Variants in CHD3 observed in about 807,000 individuals in gnomAD.
CHD3 encodes ATP-dependent chromatin remodeler CHD3.
A neutral mutation model predicts 248.9 loss-of-function variants in CHD3; 52 were observed. That is an observed-to-expected ratio of 0.21 (90% CI 0.17 to 0.26). The LOEUF is 0.26. Ranked by LOEUF, CHD3 falls within the 10% of genes least tolerant of loss-of-function variation. The pLI, the probability that CHD3 is intolerant of heterozygous loss-of-function variation, is 1.00. For synonymous variants in CHD3, 985 were observed against 985.2 expected, an observed-to-expected ratio of 1.00 and a Z score of 0.00; for missense variants, 1,482 against 2,605.8, an observed-to-expected ratio of 0.57 and a Z score of 9.39.
At position 7,894,420 on chromosome 17, in the gene CHD3, G is replaced by A. The variant is rs1360350671; in HGVS notation, c.1081G>A (p.Gly361Ser). The A allele has an allele frequency of 2.5e-6, 4 of 1,612,608 alleles. No homozygotes were observed. Among genetic ancestry groups the A allele is most frequent in the Non-Finnish European group, 3.4e-6 (4 of 1,179,014 alleles). ...RPGRKKKKVL[G>S]CPAVAGEEEV... ...TCCACCGGGGTATATGACAGTCCTG[G>A]GCTGTCCTGCAGTGGCCGGGGAGGA... Residue 361 changes from glycine (G) to serine (S), a missense_variant, in exon 8 of 40, where the codon GGC becomes AGC. Around this residue, in one of 20 missense-constraint regions of CHD3, gnomAD observed 138 missense variants for 241.1 expected, o/e 0.57. Transcript: ENST00000330494.
chr17:7,899,437 T>G lies in CHD3; in HGVS notation c.2438T>G (p.Val813Gly). The change falls in exon 15 of 40, where the codon GTG (valine) becomes GGG (glycine). Residue 813 changes from valine to glycine, a missense_variant. Val to Gly is a moderately radical substitution (Grantham distance 109, BLOSUM62 -3). This residue lies in a region of CHD3 where 49 missense variants were observed against 93.8 expected (regional missense o/e 0.52). Transcript: ENST00000330494. This position sits in a 1 kb window ranked among gnomAD's most constrained non-coding sequence, Gnocchi z 6.8. ...EFQMWAPKFY[V>G]VTYTGDKDSR... ...CAGATGTGGGCACCCAAATTCTATG[T>G]GGTGACATACACGGGTGACAAGGAC... The G allele has an allele frequency of 6.2e-7, 1 of 1,614,124 alleles. No homozygotes were observed. The highest frequency in any genetic ancestry group is 8.5e-7 in the Non-Finnish European group (1 of 1,180,022).
Position 7,899,108 on chromosome 17 carries a change from C to T in CHD3, c.2249C>T (p.Ser750Phe). 1 of 1,614,152 alleles carries T rather than the reference C, an allele frequency of 6.2e-7. No individual in the cohort carries two copies. ...GAAGGGCTGAACTGGCTACGCTTCT[C>T]CTGGGCCCAGGGCACTGACACCATT... The part of the protein sequence containing the change: ...QLEGLNWLRF[S>F]WAQGTDTILA... Residue 750 changes from serine (S) to phenylalanine (F), a missense_variant, in exon 14 of 40, where the codon TCC becomes TTC. By Grantham distance (155) the Ser-to-Phe change is radical. Around this residue, in one of 20 missense-constraint regions of CHD3, gnomAD observed 18 missense variants for 88.8 expected, o/e 0.20. Transcript: ENST00000330494. This position sits in a 1 kb window ranked among gnomAD's most constrained non-coding sequence, Gnocchi z 6.8.
At position 7,890,268 on chromosome 17, in the gene CHD3, T is replaced by TA. The variant is rs201632697; in HGVS notation, c.214-298dup. On this transcript the variant is annotated intron_variant, in intron 2 of 39. Transcript: ENST00000330494. The stretch of plus-strand genomic sequence containing the variant: ...CAATGTGGTGAAACTCCGTCTCTAC[T>TA]AAAAATACAAAAATCAGCCGGGCGC... Among the ~76,000 whole-genome samples, 1,085 of 152,032 alleles carry TA rather than the reference T, an allele frequency of 7.1e-3. 20 individuals carry two copies. Among genetic ancestry groups the TA allele is most frequent in the African/African-American group, 0.024 (990 of 41,460 alleles).
In CHD3 at chr17:7,908,572, A is replaced by G; in HGVS notation, c.5261+62A>G. The G allele has an allele frequency of 1.9e-6, 3 of 1,551,586 alleles. No homozygotes were observed. Among genetic ancestry groups the G allele is most frequent in the African/African-American group, 1.4e-5 (1 of 73,378 alleles). Reference sequence around the variant, plus strand: ...TCTCAAGCTGGCAAAAAAAAAAAAGATGATTTCACACCCAGGGACAGGGCT... The same window carrying G: ...TCTCAAGCTGGCAAAAAAAAAAAAGGTGATTTCACACCCAGGGACAGGGCT... On this transcript the variant is annotated intron_variant, in intron 35 of 39. Transcript: ENST00000330494. The surrounding 1 kb of genome is among the most constrained non-coding windows in gnomAD (Gnocchi z 5.8).
chr17:7,903,100 AAGG>A lies in CHD3; in HGVS notation c.3495+42_3495+44del. 6.2e-7 allele frequency: 1 copy of A among 1,601,452 alleles called. No individual in the cohort carries two copies. Among genetic ancestry groups the A allele is most frequent in the Non-Finnish European group, 8.5e-7 (1 of 1,170,608 alleles). The stretch of plus-strand genomic sequence containing the variant: ...TCCTAGAACCCCTGCACCATTTAGC[AAGG>A]AGATGTGGGTTCATGGAGGAGGGTG... On this transcript the variant is annotated intron_variant, in intron 22 of 39. Transcript: ENST00000330494. This position sits in a 1 kb window ranked among gnomAD's most constrained non-coding sequence, Gnocchi z 6.8.
Position 7,889,674 on chromosome 17 carries a change from C to T in CHD3, c.111C>T (p.Asp37=), listed in dbSNP as rs1208427243. 4.3e-6 allele frequency: 7 copies of T among 1,612,234 alleles called. No homozygotes were observed. The highest frequency in any genetic ancestry group is 3.3e-5 in the Admixed American group (2 of 59,780). Residue 37 remains aspartate (D), a synonymous_variant, in exon 2 of 40, where the codon GAC becomes GAT. Coordinates refer to ENST00000330494, the MANE Select transcript of CHD3 (RefSeq NM_001005273.3). The surrounding 1 kb of genome is among the most constrained non-coding windows in gnomAD (Gnocchi z 4.5). Reference sequence around the variant, plus strand: ...CTTTTTGCTTCAAAGATAAGGATGACATTCGGCTGCTGCCGTCAGCATTGG... The same window carrying T: ...CTTTTTGCTTCAAAGATAAGGATGATATTCGGCTGCTGCCGTCAGCATTGG... ...CWGDRMPDKD[D]IRLLPSALGV...
Position 7,900,697 on chromosome 17 carries a change from C to T in CHD3, c.2944C>T (p.Leu982Phe), listed in dbSNP as rs778673390. The T allele has an allele frequency of 6.2e-7, 1 of 1,613,994 alleles. No individual in the cohort carries two copies. Among genetic ancestry groups the T allele is most frequent in the Non-Finnish European group, 8.5e-7 (1 of 1,179,918 alleles). Residue 982 changes from leucine to phenylalanine, a missense_variant, in exon 18 of 40, where the codon CTC (leucine) becomes TTC (phenylalanine). Leu to Phe is a conservative substitution (Grantham distance 22, BLOSUM62 0). Around this residue, in one of 20 missense-constraint regions of CHD3, gnomAD observed 36 missense variants for 189.3 expected, o/e 0.19. Coordinates refer to ENST00000330494, the MANE Select transcript of CHD3 (RefSeq NM_001005273.3). The surrounding 1 kb of genome is among the most constrained non-coding windows in gnomAD (Gnocchi z 6.5). ...TAAGAACATGCCAGCCAAGACAGAG[C>T]TCATCGTTCGGGTGGAGCTAAGCCC... ...VFKNMPAKTE[L>F]IVRVELSPMQ... is the part of the protein sequence containing the mutation.
chr17:7,889,941 C>T lies in CHD3; in HGVS notation c.213+165C>T, dbSNP rs1293952791. 6.6e-6 allele frequency among the ~76,000 whole-genome samples: 1 copy of T among 152,222 alleles called. No homozygotes were observed. The highest frequency in any genetic ancestry group is 1.5e-5 in the Non-Finnish European group (1 of 68,036). Reference sequence around the variant, plus strand: ...TCCCTGCCACTGTTGGCCTGTATCTCAGGGATCTGGGACCCTAACTTCATT... The same window carrying T: ...TCCCTGCCACTGTTGGCCTGTATCTTAGGGATCTGGGACCCTAACTTCATT... On this transcript the variant is annotated intron_variant, in intron 2 of 39. Transcript: ENST00000330494. This position sits in a 1 kb window ranked among gnomAD's most constrained non-coding sequence, Gnocchi z 4.5.
rs778492255 is a variant in CHD3, at chr17:7,900,841, C to T, written c.2979-11C>T. The T allele has an allele frequency of 1.9e-6, 3 of 1,613,824 alleles. No homozygotes were observed. Among genetic ancestry groups the T allele is most frequent in the Non-Finnish European group, 2.5e-6 (3 of 1,179,882 alleles). On this transcript the variant is annotated splice_polypyrimidine_tract_variant and intron_variant, in intron 18 of 39. Coordinates refer to ENST00000330494, the MANE Select transcript of CHD3 (RefSeq NM_001005273.3). The surrounding 1 kb of genome is among the most constrained non-coding windows in gnomAD (Gnocchi z 6.5). ...TTTATGTTTCTTTTACACCCCTTTC[C>T]TGGCCTTTAGGAAATACTACAAATA...
intron 12 of CHD3, 128 bp downstream of exon 12, chr17:7,898,230 C>G: frequency 8.6e-7 from 1 of 1,167,988 alleles, no homozygotes; most frequent in South Asian, 1.5e-5. Flanking sequence ...GCCACCTGAG[C>G]TGGGTTGTTT....
chr17:7,908,105 T>C lies in CHD3; in HGVS notation c.5152+86T>C. ...TCTCGTTTTGCCTGAGGCTTCCTGCTACCTTTAATTCCAAGTAACTTCCAA... is the reference window on the plus strand; with the variant it reads ...TCTCGTTTTGCCTGAGGCTTCCTGCCACCTTTAATTCCAAGTAACTTCCAA... On this transcript the variant is annotated intron_variant, in intron 34 of 39. Coordinates refer to ENST00000330494, the MANE Select transcript of CHD3 (RefSeq NM_001005273.3). This position sits in a 1 kb window ranked among gnomAD's most constrained non-coding sequence, Gnocchi z 5.8. 1 of 1,450,244 alleles carries C rather than the reference T, an allele frequency of 6.9e-7. No homozygotes were observed. The highest frequency in any genetic ancestry group is 9.3e-7 in the Non-Finnish European group (1 of 1,072,612). 89.8% of individuals were successfully genotyped at this position (1,450,244 alleles called of 1,614,324 possible).
chr17:7,907,669 C>A lies in CHD3; in HGVS notation c.4993C>A (p.Pro1665Thr). ...GGATGGACAGGAACACAGGGAGAGGCCGGAGGGGGAAACAGGGGATTTGGG... is the reference window on the plus strand; with the variant it reads ...GGATGGACAGGAACACAGGGAGAGGACGGAGGGGGAAACAGGGGATTTGGG... ...PLDGQEHRERPEGETGDLGKR... is the reference protein window; with the variant it reads ...PLDGQEHRERTEGETGDLGKR... Residue 1665 changes from proline to threonine, a missense_variant, in exon 33 of 40, where the codon CCG becomes ACG. This residue lies in a region of CHD3 where 254 missense variants were observed against 266.7 expected (regional missense o/e 0.95). Coordinates refer to ENST00000330494, the MANE Select transcript of CHD3 (RefSeq NM_001005273.3). This position sits in a 1 kb window ranked among gnomAD's most constrained non-coding sequence, Gnocchi z 4.3. 6.5e-7 allele frequency: 1 copy of A among 1,535,874 alleles called. No homozygotes were observed. The highest frequency in any genetic ancestry group is 8.7e-7 in the Non-Finnish European group (1 of 1,148,598).
At chr17:7,893,160 C>T (rs912664487) in intron 4 of CHD3, 126 bp from the exon 5 acceptor site, 21 of 1,289,382 alleles carry the variant, frequency 1.6e-5, no homozygotes, top group East Asian at 2.9e-5. Flanking sequence ...GGCTGTTTTT[C>T]CTAATAGGAC....
chr17:7,898,149 A>C, intron 12 of CHD3, 47 bp downstream of exon 12: 2 of 1,603,344 alleles, frequency 1.2e-6, no homozygotes. Flanking sequence ...CGATGAGGGC[A>C]TGAAAGCCAA....
chr17:7,909,564 C>T lies in CHD3; in HGVS notation c.5590+226C>T. 1.6e-6 allele frequency: 1 copy of T among 624,480 alleles called. No individual in the cohort carries two copies. Among genetic ancestry groups the T allele is most frequent in the Non-Finnish European group, 2.7e-6 (1 of 373,972 alleles). The allele number at this position is 624,480 out of a possible 1,614,324, so 38.7% of individuals were successfully genotyped here. ...GTCTGATAGCATTCACATCCGTGCC[C>T]AATAGAGGGACCTGCCCCAGCCTCT... On this transcript the variant is annotated intron_variant, in intron 37 of 39. Transcript: ENST00000330494. This position sits in a 1 kb window ranked among gnomAD's most constrained non-coding sequence, Gnocchi z 8.1.
intron 5 of CHD3, 75 bp from the exon 6 acceptor site, chr17:7,893,730 G>T (rs1423317607): frequency 6.4e-7 from 1 of 1,561,494 alleles, no homozygotes; most frequent in African/African-American, 1.4e-5. Context: ...GAATCCAGAG[G>T]CCCCTGTGAC....
chr17:7,890,568 T>A lies in CHD3; in HGVS notation c.214-3T>A. ...AAATGTTATTTTTATTTCTTTCTCT[T>A]AGGACAGTGAGGAGGAATTTGGTTC... On this transcript the variant is annotated splice_region_variant and splice_polypyrimidine_tract_variant and intron_variant, in intron 2 of 39. Coordinates refer to ENST00000330494, the MANE Select transcript of CHD3 (RefSeq NM_001005273.3). The A allele has an allele frequency of 1.3e-6, 2 of 1,568,188 alleles. No individual in the cohort carries two copies. Among genetic ancestry groups the A allele is most frequent in the Non-Finnish European group, 1.7e-6 (2 of 1,160,534 alleles).
chr17:7,897,159 A>G lies in CHD3; in HGVS notation c.1784A>G (p.Tyr595Cys), dbSNP rs755345554. 3 of 1,614,052 alleles carry G rather than the reference A, an allele frequency of 1.9e-6. No individual in the cohort carries two copies. Among genetic ancestry groups the G allele is most frequent in the Admixed American group, 1.7e-5 (1 of 59,996 alleles). The change falls in exon 11 of 40, where the codon TAT becomes TGT. Residue 595 changes from tyrosine to cysteine, a missense_variant. Transcript: ENST00000330494. The surrounding 1 kb of genome is among the most constrained non-coding windows in gnomAD (Gnocchi z 4.8). ...NDMDEPPPLD[Y>C]GSGEDDGKSD... ...ATGGATGAGCCCCCACCCCTGGACT[A>G]TGGCTCCGGCGAGGATGATGGGAAG... is the stretch of plus-strand genomic sequence containing the variant.
chr17:7,893,406 G>GGCGGCA lies in CHD3; in HGVS notation c.639_644dup (p.Ala218_Ala219dup). 1 of 1,611,956 alleles carries GGCGGCA rather than the reference G, an allele frequency of 6.2e-7. No individual in the cohort carries two copies. Among genetic ancestry groups the GGCGGCA allele is most frequent in the Non-Finnish European group, 8.5e-7 (1 of 1,179,206 alleles). The stretch of plus-strand genomic sequence containing the variant: ...TCAAGGGGTCAGCAGCTGCTGTGGC[G>GGCGGCA]GCGGCAGCGGCAGCAGCAGCAGCAG... On this transcript the variant is annotated inframe_insertion, in exon 5 of 40. Transcript: ENST00000330494.
Sources: gnomAD v4.1 joint callset for allele counts (sites outside exome capture counted in the v4.1 genomes callset) on GRCh38, gnomAD v4.1.1 for gene constraint, gnomAD v4.1.1 regional missense constraint, Gnocchi (gnomAD v3.1) non-coding constraint, MANE v1.5 for transcripts, NCBI Gene and HGNC (gene_info 2026-07-23, HGNC 2026-07-21) for gene names.